The following ST7 variants were observed in gnomAD, a reference collection of about 807,000 sequenced individuals.
The protein encoded by ST7 is suppressor of tumorigenicity 7 protein.
ST7 carries 28 observed loss-of-function variants against 78.7 expected under a neutral mutation model. The ratio of observed to expected loss-of-function variants is 0.36; its 90% CI spans 0.26 to 0.49. ST7 has a LOEUF of 0.49. Ranked by LOEUF, ST7 falls within the 20% of genes least tolerant of loss-of-function variation. The pLI is 0.99. For missense variants in ST7, 418 were observed against 696.0 expected, an observed-to-expected ratio of 0.60 and a Z score of 4.49; for synonymous variants, 247 against 249.6, an observed-to-expected ratio of 0.99 and a Z score of 0.10.
chr7:117,001,626 G>A (rs1585124124), intron 1 of ST7, among the ~76,000 whole-genome samples: 2 of 152,202 alleles, frequency 1.3e-5, no homozygotes, highest in South Asian at 4.1e-4. Context: ...CTTGGAAGAA[G>A]GTATATCTTA....
At chr7:117,187,896 G>T (rs956156986) in intron 10 of ST7, among the ~76,000 whole-genome samples, 1 of 152,160 alleles carries the variant, frequency 6.6e-6, no homozygotes, top group Non-Finnish European at 1.5e-5. Context: ...ACACTGGAAA[G>T]CTGTTAAATG....
At chr7:117,095,106 A>G (rs1328185357) in intron 1 of ST7, among the ~76,000 whole-genome samples, 4 of 152,128 alleles carry the variant, frequency 2.6e-5, no homozygotes, top group African/African-American at 9.7e-5. Context: ...GCAAGGTGGA[A>G]TATACGTAAG....
intron 9 of ST7, among the ~76,000 whole-genome samples, chr7:117,141,955 A>G (rs1335084074): frequency 6.6e-6 from 1 of 152,082 alleles, no homozygotes; most frequent in Non-Finnish European, 1.5e-5. Flanking sequence ...CTGGCCTTGC[A>G]TGCTGGCTTT....
intron 1 of ST7, among the ~76,000 whole-genome samples, chr7:116,970,229 T>G (rs1793348157): frequency 6.6e-6 from 1 of 152,142 alleles, no homozygotes; most frequent in Non-Finnish European, 1.5e-5. Context: ...GTGGTACATA[T>G]TTTGCTTTCT....
chr7:117,138,629 A>G (rs891156326), intron 9 of ST7, 97 bp downstream of exon 9: 11 of 868,604 alleles, frequency 1.3e-5, no homozygotes, highest in African/African-American at 5.1e-5. Flanking sequence ...TGGTGGTCCC[A>G]TGGGTTCTGG....
chr7:117,029,437 T>A (rs1210432343), intron 1 of ST7, among the ~76,000 whole-genome samples: 4 of 152,170 alleles, frequency 2.6e-5, no homozygotes, highest in Admixed American at 1.3e-4. Flanking sequence ...AAAAATGAGG[T>A]TGTCTTCTTA....
intron 1 of ST7, among the ~76,000 whole-genome samples, chr7:116,962,139 G>A (rs4509243): frequency 0.94 from 142,955 of 152,206 alleles, 67,829 homozygotes; most frequent in East Asian, 1. Context: ...TGACTGTATA[G>A]TATTCCATGG....
chr7:117,076,851 A>T (rs1410335433), intron 1 of ST7, among the ~76,000 whole-genome samples: 1 of 152,180 alleles, frequency 6.6e-6, no homozygotes, highest in Non-Finnish European at 1.5e-5. Context: ...CTTTCACATG[A>T]GGCGGCTGTC....
At chr7:117,200,939 G>T (rs1810788006) in intron 12 of ST7, among the ~76,000 whole-genome samples, 1 of 151,744 alleles carries the variant, frequency 6.6e-6, no homozygotes, top group African/African-American at 2.4e-5. Context: ...ATATGCTAAT[G>T]GAGTACCTAC....
intron 1 of ST7, among the ~76,000 whole-genome samples, chr7:117,067,200 C>T (rs1055256058): frequency 7.9e-5 from 12 of 152,042 alleles, no homozygotes; most frequent in Admixed American, 2.0e-4. Flanking sequence ...CTTCTCTGAA[C>T]ATTTTTATAC....
intron 1 of ST7, among the ~76,000 whole-genome samples, chr7:117,085,119 C>T (rs545439565): frequency 2.6e-4 from 39 of 152,258 alleles, no homozygotes; most frequent in African/African-American, 8.7e-4. Flanking sequence ...AAACACCAAA[C>T]GTCACTAGTG....
chr7:117,119,949 G>A (rs577132293), intron 3 of ST7, among the ~76,000 whole-genome samples: 2 of 147,990 alleles, frequency 1.4e-5, no homozygotes, highest in Admixed American at 6.8e-5. Context: ...TTTTTTTTAT[G>A]TGAGAGTCTT....
rs534230852 is a variant in ST7, at chr7:116,974,328, C to T, written c.151+20637C>T. 1.1e-4 allele frequency among the ~76,000 whole-genome samples: 17 copies of T among 151,544 alleles called. No homozygotes were observed. The East Asian group carries it at 1.2e-3, about 10-fold the overall frequency. On this transcript the variant is annotated intron_variant, in intron 1 of 15. Coordinates refer to ENST00000323984, the MANE Select transcript of ST7 (RefSeq NM_001369598.1). ...TTTGAGACAGAGCCTCACTGTGTCG[C>T]CCAGGCTGGAGTGCAGTGGCGTGAT...
chr7:117,193,419 T>A (rs192689547), intron 12 of ST7, among the ~76,000 whole-genome samples: 43 of 152,356 alleles, frequency 2.8e-4, no homozygotes, highest in Admixed American at 9.8e-4. Context: ...CTCTCACTTA[T>A]TTTTCATAAC....
chr7:117,115,290 C>G (rs1180513552), intron 2 of ST7, among the ~76,000 whole-genome samples: 1 of 152,128 alleles, frequency 6.6e-6, no homozygotes, highest in Non-Finnish European at 1.5e-5. Flanking sequence ...GAATGTCTCC[C>G]CCTATTCATT....
At chr7:116,964,701 CT>C (rs1562980542) in intron 1 of ST7, among the ~76,000 whole-genome samples, 1 of 152,118 alleles carries the variant, frequency 6.6e-6, no homozygotes, top group East Asian at 1.9e-4. Context: ...TTTCATAAGG[CT>C]TTTTAAGGAA....
At chr7:117,226,264 C>A (rs887198780) in intron 15 of ST7, among the ~76,000 whole-genome samples, 1 of 152,202 alleles carries the variant, frequency 6.6e-6, no homozygotes, top group African/African-American at 2.4e-5. Context: ...AAAGGAAGAT[C>A]AGGCAATTGA....
intron 1 of ST7, among the ~76,000 whole-genome samples, chr7:117,099,063 A>AAAAAAAAAAAAAAAAAAAAAAAAAT (rs1801358503): frequency 7.2e-6 from 1 of 139,834 alleles, no homozygotes; most frequent in African/African-American, 2.9e-5. Flanking sequence ...AAAAAAAAAA[A>AAAAAAAAAAAAAAAAAAAAAAAAAT]AACAAAAAAA....
intron 13 of ST7, among the ~76,000 whole-genome samples, chr7:117,212,068 C>T (rs1792342334): frequency 6.6e-6 from 1 of 152,200 alleles, no homozygotes. Context: ...GTCACTTACA[C>T]TGCCATTCAG....
Sources: gnomAD v4.1 joint callset for allele counts (sites outside exome capture counted in the v4.1 genomes callset) on GRCh38, gnomAD v4.1.1 for gene constraint, MANE v1.5 for transcripts, NCBI Gene and HGNC (gene_info 2026-07-23, HGNC 2026-07-21) for gene names.